The following CREB5 variants were observed in gnomAD, a reference collection of about 807,000 sequenced individuals.
CREB5 encodes the protein cAMP responsive element binding protein 5.
CREB5 carries 19 observed loss-of-function variants against 57.1 expected under a neutral mutation model. The observed-to-expected ratio is 0.33, with a 90% CI of 0.23 to 0.49. The LOEUF (loss-of-function observed/expected upper bound fraction) is 0.49, where lower values mean the gene tolerates loss of function less well. Ranked by LOEUF, CREB5 falls within the 20% of genes least tolerant of loss-of-function variation. CREB5 has a pLI of 0.99. For missense variants in CREB5, 579 were observed against 671.6 expected (o/e 0.86, Z 1.52); for synonymous variants, 238 against 238.3 (o/e 1.00, Z 0.01).
chr7:28,445,778 T>C (rs549159471), intron 1 of CREB5, among the ~76,000 whole-genome samples: 8,565 of 151,370 alleles, frequency 0.057, 287 homozygotes, highest in Admixed American at 0.08. Flanking sequence ...ATCTCGATCT[T>C]CTGACCTCAT....
At chr7:28,534,349 C>A (rs1793864320) in intron 4 of CREB5, among the ~76,000 whole-genome samples, 2 of 152,218 alleles carry the variant, frequency 1.3e-5, no homozygotes, top group South Asian at 4.1e-4. Context: ...TGTCTCAGCC[C>A]ACCCTGCGTC....
chr7:28,541,526 G>A (rs545577029), intron 4 of CREB5, among the ~76,000 whole-genome samples: 112 of 152,232 alleles, frequency 7.4e-4, no homozygotes, highest in Middle Eastern at 3.4e-3. Context: ...AATTAGCTGG[G>A]CGTGGTGGCC....
Position 28,713,211 on chromosome 7 carries a change from A to AT in CREB5, c.465-5533dup, listed in dbSNP as rs200141735. Among the ~76,000 whole-genome samples the AT allele has an allele frequency of 2.8e-4, 42 of 150,868 alleles. 1 individual carries two copies. Among genetic ancestry groups the AT allele is most frequent in the Admixed American group, 1.3e-3 (19 of 15,138 alleles). On this transcript the variant is annotated intron_variant, in intron 5 of 10. Coordinates refer to ENST00000357727, the MANE Select transcript of CREB5 (RefSeq NM_182898.4). ...GGGACTATGCCTGGCTACTTTTTGT[A>AT]TTTTTTTTTAATAGAGATGGGGTTT...
At chr7:28,660,714 C>T (rs975031992) in intron 5 of CREB5, among the ~76,000 whole-genome samples, 2 of 152,106 alleles carry the variant, frequency 1.3e-5, no homozygotes. Flanking sequence ...ACCCCTTCAC[C>T]TTTTCCTCCC....
At chr7:28,592,673 A>G (rs1796563313) in intron 5 of CREB5, among the ~76,000 whole-genome samples, 1 of 152,142 alleles carries the variant, frequency 6.6e-6, no homozygotes, top group Non-Finnish European at 1.5e-5. Flanking sequence ...GAGGAGGTGG[A>G]GAAGCAAAAC....
intron 4 of CREB5, among the ~76,000 whole-genome samples, chr7:28,543,797 C>T (rs1190541549): frequency 6.6e-6 from 1 of 151,796 alleles, no homozygotes; most frequent in Non-Finnish European, 1.5e-5. Context: ...TCCTGTGAGG[C>T]TGGTCGGAGT....
chr7:28,403,573 TA>T (rs1421042711), intron 1 of CREB5, among the ~76,000 whole-genome samples: 38 of 151,358 alleles, frequency 2.5e-4, no homozygotes, highest in African/African-American at 8.2e-4. Flanking sequence ...TTCAGAGAGG[TA>T]AAAAAAAATT....
intron 1 of CREB5, among the ~76,000 whole-genome samples, chr7:28,350,656 T>G (rs1786169305): frequency 6.6e-6 from 1 of 152,106 alleles, no homozygotes; most frequent in African/African-American, 2.4e-5. Flanking sequence ...CCATGAAATC[T>G]ATTAGATTTC....
chr7:28,303,280 C>A (rs1785131693), intron 1 of CREB5, among the ~76,000 whole-genome samples: 1 of 152,140 alleles, frequency 6.6e-6, no homozygotes, highest in Admixed American at 6.5e-5. Flanking sequence ...AATTCATAGG[C>A]ATAATTTTTG....
At chr7:28,658,987 A>G (rs1282296532) in intron 5 of CREB5, among the ~76,000 whole-genome samples, 2 of 142,862 alleles carry the variant, frequency 1.4e-5, no homozygotes, top group South Asian at 2.2e-4. Context: ...ATATGTATAT[A>G]TAAGTCATAA....
At chr7:28,310,895 A>G (rs538917792) in intron 1 of CREB5, among the ~76,000 whole-genome samples, 2 of 152,292 alleles carry the variant, frequency 1.3e-5, no homozygotes, top group Non-Finnish European at 2.9e-5. Context: ...AATTTTCCCA[A>G]TTGTCTCAAG....
chr7:28,560,985 CGTGTGTGTGCCTGCGTGTGCGTGTGT>C (rs1795229850), intron 4 of CREB5, among the ~76,000 whole-genome samples: 1 of 27,366 alleles, frequency 3.7e-5, no homozygotes, highest in African/African-American at 1.1e-4. Context: ...TGTGTGCGTG[CGTGTGTGTGCCTGCGTGTGCGTGTGT>C]GTGTGCGTGT....
chr7:28,751,164 A>G (rs1157837064), intron 7 of CREB5, among the ~76,000 whole-genome samples: 1 of 137,106 alleles, frequency 7.3e-6, no homozygotes, highest in Non-Finnish European at 1.6e-5. Flanking sequence ...GGGAAGCGTC[A>G]GGAAGCAAAA....
rs79988495 is a variant in CREB5, at chr7:28,433,199, G to A, written c.3+20282G>A. On this transcript the variant is annotated intron_variant, in intron 1 of 10. Coordinates refer to ENST00000357727, the MANE Select transcript of CREB5 (RefSeq NM_182898.4). ...AAAGGAATTATTCCAACGAGTAGGT[G>A]TTGATACATTTTGCTAAACTGCTTT... 7.2e-5 allele frequency among the ~76,000 whole-genome samples: 11 copies of A among 152,246 alleles called. No individual in the cohort carries two copies. In the East Asian group the frequency reaches 2.1e-3, roughly 29 times the overall value.
intron 7 of CREB5, among the ~76,000 whole-genome samples, chr7:28,794,866 G>C (rs535168810): frequency 1.3e-5 from 2 of 152,194 alleles, no homozygotes; most frequent in East Asian, 1.9e-4. Flanking sequence ...ATCATCAAAC[G>C]TGCCAAGATG....
intron 5 of CREB5, among the ~76,000 whole-genome samples, chr7:28,616,227 C>T (rs1012184802): frequency 6.6e-6 from 1 of 152,180 alleles, no homozygotes; most frequent in African/African-American, 2.4e-5. Context: ...TTAGGAGGCA[C>T]CAATGGTTGG....
At chr7:28,703,159 T>C (rs1037171916) in intron 5 of CREB5, among the ~76,000 whole-genome samples, 1 of 152,202 alleles carries the variant, frequency 6.6e-6, no homozygotes, top group Non-Finnish European at 1.5e-5. Context: ...AGACAGAGTT[T>C]GGATAGAAGA....
rs183454611 is a variant in CREB5 at position 28,401,825 on chromosome 7, G to T, written c.-24-93081G>T. 1.7e-3 allele frequency among the ~76,000 whole-genome samples: 264 copies of T among 152,232 alleles called. 1 individual carries two copies. Among genetic ancestry groups the T allele is most frequent in the African/African-American group, 5.7e-3 (237 of 41,502 alleles). ...CCAGTCTATCATTGATGGACATTTG[G>T]GTTGGTTCCAAGTCTTTGCTATTGT... is the stretch of plus-strand genomic sequence containing the variant. On this transcript the variant is annotated intron_variant, in intron 1 of 9. Coordinates refer to the CREB5 transcript ENST00000396299.
chr7:28,804,915 C>CTGCTATGTTTT (rs1808618892), intron 8 of CREB5, among the ~76,000 whole-genome samples: 1 of 152,166 alleles, frequency 6.6e-6, no homozygotes, highest in African/African-American at 2.4e-5. Context: ...CTGGTTCTAG[C>CTGCTATGTTTT]TGCTATGTTT....
Sources: gnomAD v4.1 joint callset for allele counts (sites outside exome capture counted in the v4.1 genomes callset) on GRCh38, gnomAD v4.1.1 for gene constraint, MANE v1.5 for transcripts, NCBI Gene and HGNC (gene_info 2026-07-23, HGNC 2026-07-21) for gene names.